SCHIP1: variants seen among roughly 807,000 people sequenced by gnomAD.
SCHIP1 encodes schwannomin-interacting protein 1.
A neutral mutation model predicts 29.7 loss-of-function variants in SCHIP1; 8 were observed. The observed-to-expected ratio is 0.27, with a 90% CI of 0.16 to 0.49. The LOEUF (loss-of-function observed/expected upper bound fraction) is 0.49. SCHIP1 is among the 20% of genes least tolerant of loss of function. The pLI is 0.99. For missense variants in SCHIP1, 193 were observed against 294.6 expected (o/e 0.66, Z 2.52); for synonymous variants, 76 against 94.9 (o/e 0.80, Z 1.16).
At chr3:159,328,506 G>A in the SCHIP1 span, among the ~76,000 whole-genome samples, 1 of 151,292 alleles carries the variant, frequency 6.6e-6, no homozygotes, top group South Asian at 2.1e-4. Flanking sequence ...GCTATGTAGA[G>A]GGTGGAACAT....
chr3:159,389,277 T>C, the SCHIP1 span, among the ~76,000 whole-genome samples: 8 of 152,094 alleles, frequency 5.3e-5, no homozygotes, highest in Non-Finnish European at 8.8e-5. Flanking sequence ...ATTTATTTAA[T>C]CCTCACAAAA....
the SCHIP1 span, among the ~76,000 whole-genome samples, chr3:159,806,917 A>G: frequency 2.6e-5 from 4 of 152,340 alleles, no homozygotes; most frequent in African/African-American, 9.6e-5. Flanking sequence ...CTGGAAAACC[A>G]CACTGTAACA....
At chr3:159,545,713 A>AATGTATT in the SCHIP1 span, among the ~76,000 whole-genome samples, 11 of 147,596 alleles carry the variant, frequency 7.5e-5, no homozygotes, top group Admixed American at 7.5e-4. Flanking sequence ...TCTTTTGTAC[A>AATGTATT]ATATATTATA....
chr3:159,705,793 G>A, the SCHIP1 span, among the ~76,000 whole-genome samples: 47 of 152,186 alleles, frequency 3.1e-4, no homozygotes, highest in Admixed American at 5.2e-4. Context: ...TGCAAGCTCC[G>A]CCTCCCGGGT....
chr3:159,560,358 G>C, the SCHIP1 span, among the ~76,000 whole-genome samples: 9 of 152,272 alleles, frequency 5.9e-5, no homozygotes, highest in East Asian at 9.7e-4. Flanking sequence ...AATGGCTTAC[G>C]AGAGTGAATC....
chr3:159,705,496 C>T, the SCHIP1 span, among the ~76,000 whole-genome samples: 1 of 151,916 alleles, frequency 6.6e-6, no homozygotes, highest in Non-Finnish European at 1.5e-5. Flanking sequence ...AGGGCCAGGA[C>T]CTCAGCTTCC....
the SCHIP1 span, among the ~76,000 whole-genome samples, chr3:159,390,380 G>A: frequency 6.6e-6 from 1 of 151,900 alleles, no homozygotes; most frequent in Non-Finnish European, 1.5e-5. Context: ...TGATACTGTT[G>A]AACTCTAGGT....
At chr3:159,866,124 G>C in intron 1 of SCHIP1, 39 bp from the exon 3 acceptor site, 1 of 1,590,002 alleles carries the variant, frequency 6.3e-7, no homozygotes, top group Non-Finnish European at 8.6e-7. Context: ...TGCTATATCT[G>C]CCCACTTATC....
At chr3:159,799,426 T>C in the SCHIP1 span, among the ~76,000 whole-genome samples, 4 of 152,268 alleles carry the variant, frequency 2.6e-5, no homozygotes, top group African/African-American at 9.6e-5. Flanking sequence ...AGGATGGCAC[T>C]GAACCTGGCA....
the SCHIP1 span, among the ~76,000 whole-genome samples, chr3:159,423,659 C>T: frequency 2.0e-5 from 3 of 148,226 alleles, no homozygotes; most frequent in South Asian, 6.8e-4. Flanking sequence ...ACAGCAGTAA[C>T]CTCCGCAGAC....
the SCHIP1 span, among the ~76,000 whole-genome samples, chr3:159,757,004 C>T: frequency 1.3e-5 from 2 of 152,204 alleles, no homozygotes; most frequent in Admixed American, 1.3e-4. Context: ...CTAGGAAGTT[C>T]CAAACTTTTC....
At chr3:159,838,718 G>A (rs948757400), upstream of SCHIP1, among the ~76,000 whole-genome samples, 11 of 148,918 alleles carry the variant, frequency 7.4e-5, no homozygotes, top group Admixed American at 5.3e-4. Flanking sequence ...GTGAAACCCC[G>A]TCTCTACCAA....
At chr3:159,545,160 G>C in the SCHIP1 span, among the ~76,000 whole-genome samples, 2 of 144,680 alleles carry the variant, frequency 1.4e-5, no homozygotes, top group Non-Finnish European at 3.1e-5. Flanking sequence ...AGATCTGTTG[G>C]GTTATCAGAA....
chr3:159,295,272 A>C, the SCHIP1 span, among the ~76,000 whole-genome samples: 1 of 140,872 alleles, frequency 7.1e-6, no homozygotes, highest in Non-Finnish European at 1.6e-5. Flanking sequence ...AAAAAAAAAA[A>C]AAAACAACTA....
chr3:159,521,991 C>T, the SCHIP1 span, among the ~76,000 whole-genome samples: 4 of 151,992 alleles, frequency 2.6e-5, no homozygotes, highest in Admixed American at 1.3e-4. Flanking sequence ...AAATAATAGC[C>T]AATTAAAAAT....
At chr3:159,828,385 A>ATATGTATATATG in the SCHIP1 span, among the ~76,000 whole-genome samples, 1,644 of 71,680 alleles carry the variant, frequency 0.023, 121 homozygotes, top group African/African-American at 0.065. Flanking sequence ...ACATATATAT[A>ATATGTATATATG]TACATATATA....
At chr3:159,810,163 G>T in the SCHIP1 span, among the ~76,000 whole-genome samples, 1 of 151,928 alleles carries the variant, frequency 6.6e-6, no homozygotes, top group African/African-American at 2.4e-5. Flanking sequence ...CTCCTGCCTC[G>T]GCCTCCCGAG....
At chr3:159,656,155 T>A in the SCHIP1 span, among the ~76,000 whole-genome samples, 1 of 152,110 alleles carries the variant, frequency 6.6e-6, no homozygotes, top group African/African-American at 2.4e-5. Flanking sequence ...GGTAAGCAAA[T>A]TGGAAGGGGA....
the SCHIP1 span, among the ~76,000 whole-genome samples, chr3:159,660,240 TG>T: frequency 6.6e-6 from 1 of 152,130 alleles, no homozygotes; most frequent in Admixed American, 6.6e-5. Context: ...GAGTCGGATA[TG>T]AAATGGCCTG....
Sources: allele counts gnomAD v4.1 joint callset (sites outside exome capture counted in the v4.1 genomes callset), GRCh38; gene constraint gnomAD v4.1.1; transcripts MANE v1.5; gene names NCBI Gene and HGNC (gene_info 2026-07-23, HGNC 2026-07-21).